OTUD7A: variants seen among roughly 807,000 people sequenced by gnomAD.
OTUD7A encodes the protein OTU domain-containing protein 7A.
OTUD7A carries 12 observed loss-of-function variants against 65.7 expected under a neutral mutation model. That is an observed-to-expected ratio of 0.18 (90% CI 0.12 to 0.30). The LOEUF is 0.30. Ranked by LOEUF, OTUD7A falls within the 10% of genes least tolerant of loss-of-function variation. OTUD7A has a pLI of 1.00. For synonymous variants in OTUD7A, 641 were observed against 586.3 expected (o/e 1.09, Z -1.35); for missense variants, 1,148 against 1,304.8 (o/e 0.88, Z 1.85).
chr15:31,838,577 C>T (rs559822676), intron 1 of OTUD7A, among the ~76,000 whole-genome samples: 41 of 152,272 alleles, frequency 2.7e-4, no homozygotes, highest in African/African-American at 9.4e-4. Context: ...TCTCAGGCTA[C>T]CCCCACTAAT....
intron 3 of OTUD7A, among the ~76,000 whole-genome samples, chr15:31,618,509 T>G (rs970821588): frequency 6.6e-6 from 1 of 152,186 alleles, no homozygotes; most frequent in Admixed American, 6.5e-5. Context: ...TGGTTTTGAT[T>G]TGCATTTCTC....
rs147761884 is a variant in OTUD7A at position 31,869,468 on chromosome 15, T to A, written c.-100+1039A>T. Among the ~76,000 whole-genome samples, 738 of 152,294 alleles carry A rather than the reference T, an allele frequency of 4.8e-3. 4 individuals carry two copies. Among genetic ancestry groups the A allele is most frequent in the African/African-American group, 0.017 (707 of 41,548 alleles). On this transcript the variant is annotated intron_variant, in intron 1 of 12. Coordinates refer to ENST00000307050, the MANE Select transcript of OTUD7A (RefSeq NM_001382637.1). ...TTTCCTGGACACATTATCTGCCTCA[T>A]CATATTTTTAAAAATTGTTCCTCTT...
At chr15:31,798,782 CCAGAAGGAAGCCAGGGGGAGGCT>C (rs1896041383) in intron 1 of OTUD7A, among the ~76,000 whole-genome samples, 1 of 152,212 alleles carries the variant, frequency 6.6e-6, no homozygotes, top group African/African-American at 2.4e-5. Context: ...GCCCCAGAGG[CCAGAAGGAAGCCAGGGGGAGGCT>C]CAGCTTGGGG....
intron 3 of OTUD7A, among the ~76,000 whole-genome samples, chr15:31,622,908 G>A (rs1890837167): frequency 6.6e-6 from 1 of 152,110 alleles, no homozygotes; most frequent in South Asian, 2.1e-4. Flanking sequence ...TCTACCTCTG[G>A]TCTTTGATGA....
Position 31,483,433 on chromosome 15 carries a change from C to G in OTUD7A, c.2663G>C (p.Gly888Ala). ...TARSNGECGRGGPGPVQRRCQ... is the reference protein window; with the variant it reads ...TARSNGECGRAGPGPVQRRCQ... ...GCGCCGCTGCACCGGCCCCGGGCCG[C>G]CACGGCCGCACTCACCGTTCGAGCG... Residue 888 changes from glycine (G) to alanine (A), a missense_variant, in exon 13 of 13, where the codon GGC (glycine) becomes GCC (alanine). Coordinates refer to ENST00000307050, the MANE Select transcript of OTUD7A (RefSeq NM_001382637.1). 7.3e-7 allele frequency: 1 copy of G among 1,373,924 alleles called. No individual in the cohort carries two copies. Among genetic ancestry groups the G allele is most frequent in the Non-Finnish European group, 9.4e-7 (1 of 1,063,870 alleles). The allele number at this position is 1,373,924 out of a possible 1,614,324, so 85.1% of individuals were successfully genotyped here.
intron 1 of OTUD7A, among the ~76,000 whole-genome samples, chr15:31,838,161 A>G (rs1274650104): frequency 6.6e-6 from 1 of 152,244 alleles, no homozygotes; most frequent in Admixed American, 6.5e-5. Context: ...CAAAACTACA[A>G]AAGTTTAGAA....
intron 1 of OTUD7A, among the ~76,000 whole-genome samples, chr15:31,846,776 C>T (rs1398515023): frequency 6.6e-6 from 1 of 152,160 alleles, no homozygotes; most frequent in African/African-American, 2.4e-5. Context: ...CCAGATAAAA[C>T]ATTTTTTAGC....
At chr15:31,862,564 CA>C (rs1483806468) in intron 1 of OTUD7A, among the ~76,000 whole-genome samples, 5 of 152,108 alleles carry the variant, frequency 3.3e-5, no homozygotes, top group Non-Finnish European at 1.5e-5. Flanking sequence ...AAGGAAGAAG[CA>C]AAAGCGGAAA....
intron 6 of OTUD7A, 67 bp downstream of exon 6, chr15:31,530,640 A>G: frequency 7.1e-7 from 1 of 1,416,936 alleles, no homozygotes; most frequent in South Asian, 1.2e-5. Flanking sequence ...GTTTCCTTCA[A>G]TAGCATATGT....
In OTUD7A at chr15:31,552,188, C is replaced by T. The variant is rs942006710; in HGVS notation, c.550+6781G>A. Among the ~76,000 whole-genome samples, 6 of 152,182 alleles carry T rather than the reference C, an allele frequency of 3.9e-5. No homozygotes were observed. In the East Asian group the frequency reaches 1.2e-3, roughly 29 times the overall value. On this transcript the variant is annotated intron_variant, in intron 5 of 12. Coordinates refer to ENST00000307050, the MANE Select transcript of OTUD7A (RefSeq NM_001382637.1). ...CTTCCCCTTCTGCCAGGACTGGAAGCTTCCTGAAGCCTTCACCAGAAGCAG... is the reference window on the plus strand; with the variant it reads ...CTTCCCCTTCTGCCAGGACTGGAAGTTTCCTGAAGCCTTCACCAGAAGCAG...
intron 1 of OTUD7A, among the ~76,000 whole-genome samples, chr15:31,709,268 G>C (rs1595718855): frequency 1.3e-5 from 2 of 152,184 alleles, no homozygotes; most frequent in South Asian, 4.1e-4. Flanking sequence ...CAGAAGCAGA[G>C]AGCTGAGGGA....
chr15:31,835,195 A>C (rs2140987581), intron 1 of OTUD7A, among the ~76,000 whole-genome samples: 1 of 152,364 alleles, frequency 6.6e-6, no homozygotes, highest in Middle Eastern at 3.4e-3. Context: ...ACACAGAAAA[A>C]ATATGGAGAA....
chr15:31,748,984 T>C (rs751181073), intron 1 of OTUD7A, among the ~76,000 whole-genome samples: 3 of 152,130 alleles, frequency 2.0e-5, no homozygotes, highest in Non-Finnish European at 2.9e-5. Context: ...GTCTGTCCTT[T>C]GTAGGAACAT....
chr15:31,837,357 T>C (rs1208103551), intron 1 of OTUD7A, among the ~76,000 whole-genome samples: 1 of 118,956 alleles, frequency 8.4e-6, no homozygotes, highest in African/African-American at 3.3e-5. Flanking sequence ...TGAAACCCCA[T>C]CTCTACTAAA....
At chr15:31,640,158 T>C (rs1405066629) in intron 3 of OTUD7A, among the ~76,000 whole-genome samples, 2 of 152,200 alleles carry the variant, frequency 1.3e-5, no homozygotes, top group African/African-American at 4.8e-5. Context: ...ACTATTATTC[T>C]AAGTGAAGTA....
intron 1 of OTUD7A, among the ~76,000 whole-genome samples, chr15:31,782,425 C>T (rs1895564544): frequency 6.6e-6 from 1 of 152,184 alleles, no homozygotes; most frequent in South Asian, 2.1e-4. Context: ...GGATCTGAGA[C>T]ACAAACTGAG....
chr15:31,826,747 A>G (rs1009517134), intron 1 of OTUD7A, among the ~76,000 whole-genome samples: 2 of 152,166 alleles, frequency 1.3e-5, no homozygotes, highest in Non-Finnish European at 2.9e-5. Context: ...CATCTAATTC[A>G]CCGCTTGAAT....
At chr15:31,844,486 G>A (rs1897255266) in intron 1 of OTUD7A, among the ~76,000 whole-genome samples, 1 of 152,250 alleles carries the variant, frequency 6.6e-6, no homozygotes, top group South Asian at 2.1e-4. Flanking sequence ...GACAGAGTGA[G>A]ACTCCGTCTC....
chr15:31,836,550 AAG>A (rs2140989022), intron 1 of OTUD7A, among the ~76,000 whole-genome samples: 1 of 152,314 alleles, frequency 6.6e-6, no homozygotes, highest in East Asian at 1.9e-4. Flanking sequence ...AGAGTACAGA[AAG>A]AGTACCAAGA....
Sources: allele counts gnomAD v4.1 joint callset (sites outside exome capture counted in the v4.1 genomes callset), GRCh38; gene constraint gnomAD v4.1.1; transcripts MANE v1.5; gene names NCBI Gene and HGNC (gene_info 2026-07-23, HGNC 2026-07-21).